ADAMTS3: variants seen among roughly 807,000 people sequenced by gnomAD.
ADAMTS3 encodes the protein ADAM metallopeptidase with thrombospondin type 1 motif 3.
In ADAMTS3, 73 loss-of-function variants were observed where a neutral mutation model predicts 129.0. That is an observed-to-expected ratio of 0.57 (90% CI 0.47 to 0.69). The LOEUF is 0.69. ADAMTS3 is among the 30% of genes least tolerant of loss of function. ADAMTS3 has a pLI of 0.00. For missense variants in ADAMTS3, 1,457 were observed against 1,514.5 expected (o/e 0.96, Z 0.63); for synonymous variants, 477 against 510.8 (o/e 0.93, Z 0.89).
At chr4:72,494,567 G>A (rs1719826653) in intron 3 of ADAMTS3, among the ~76,000 whole-genome samples, 1 of 152,100 alleles carries the variant, frequency 6.6e-6, no homozygotes, top group Admixed American at 6.6e-5. Flanking sequence ...CCAGTTCATA[G>A]ACTTCCATTT....
intron 4 of ADAMTS3, among the ~76,000 whole-genome samples, chr4:72,364,670 G>C (rs1171292812): frequency 6.6e-6 from 1 of 151,678 alleles, no homozygotes; most frequent in Non-Finnish European, 1.5e-5. Flanking sequence ...AAAAAACAGA[G>C]TTATGTGCAA....
chr4:72,419,449 T>C (rs774775338), intron 3 of ADAMTS3, among the ~76,000 whole-genome samples: 1 of 152,080 alleles, frequency 6.6e-6, no homozygotes, highest in African/African-American at 2.4e-5. Flanking sequence ...ATTGCTATAG[T>C]GGGGATAGAA....
rs1719602604 is a variant in ADAMTS3, at chr4:72,323,077, A to C, written c.882T>G (p.Asp294Glu). Residue 294 changes from aspartate (D) to glutamate (E), a missense_variant, in exon 6 of 22, where the codon GAT becomes GAG. Transcript: ENST00000286657. ...CATTTATATGCACTCCGAGGGACTCATCATGGTAAATTTCATTCACCTAGC... is the reference window on the plus strand; with the variant it reads ...CATTTATATGCACTCCGAGGGACTCCTCATGGTAAATTTCATTCACCTAGC... Reference protein sequence around the residue: ...LMNIVNEIYHDESLGVHINVV... With the variant: ...LMNIVNEIYHEESLGVHINVV... The C allele has an allele frequency of 6.2e-7, 1 of 1,613,304 alleles. No individual in the cohort carries two copies. The highest frequency in any genetic ancestry group is 8.5e-7 in the Non-Finnish European group (1 of 1,179,560).
intron 3 of ADAMTS3, among the ~76,000 whole-genome samples, chr4:72,459,835 T>C (rs1235571047): frequency 6.6e-6 from 1 of 151,516 alleles, no homozygotes; most frequent in East Asian, 1.9e-4. Flanking sequence ...ATCTTGGGAA[T>C]GGGACCCAAA....
chr4:72,543,710 G>T (rs551989889), intron 3 of ADAMTS3, among the ~76,000 whole-genome samples: 1 of 152,182 alleles, frequency 6.6e-6, no homozygotes, highest in South Asian at 2.1e-4. Context: ...GAGGCTATAG[G>T]GCGGTAGAAA....
At chr4:72,482,069 C>G (rs773824275) in intron 3 of ADAMTS3, among the ~76,000 whole-genome samples, 1 of 151,996 alleles carries the variant, frequency 6.6e-6, no homozygotes, top group Non-Finnish European at 1.5e-5. Context: ...TAAAATGTTA[C>G]AACCACTCTG....
intron 11 of ADAMTS3, among the ~76,000 whole-genome samples, chr4:72,315,647 C>T (rs929703812): frequency 1.3e-5 from 2 of 152,126 alleles, no homozygotes; most frequent in African/African-American, 2.4e-5. Flanking sequence ...GAATAAATAT[C>T]CATTGTTTCA....
At chr4:72,521,208 G>A (rs1260279993) in intron 3 of ADAMTS3, among the ~76,000 whole-genome samples, 2 of 152,062 alleles carry the variant, frequency 1.3e-5, no homozygotes, top group Non-Finnish European at 2.9e-5. Context: ...ATGTTGGCCA[G>A]GCTGGTCTCG....
At chr4:72,400,247 G>GGT (rs564681632) in intron 4 of ADAMTS3, among the ~76,000 whole-genome samples, 1 of 137,502 alleles carries the variant, frequency 7.3e-6, no homozygotes, top group Admixed American at 7.1e-5. Context: ...ATGCACACAT[G>GGT]GTGTGTATAT....
At chr4:72,285,251 CAT>C (rs1560458027) in intron 21 of ADAMTS3, among the ~76,000 whole-genome samples, 1 of 152,218 alleles carries the variant, frequency 6.6e-6, no homozygotes, top group Non-Finnish European at 1.5e-5. Context: ...ATATGCTTGA[CAT>C]GTGCAGGTCT....
chr4:72,296,703 CTATAA>C (rs1233819243), intron 18 of ADAMTS3, among the ~76,000 whole-genome samples: 2 of 151,964 alleles, frequency 1.3e-5, no homozygotes, highest in East Asian at 1.9e-4. Context: ...TCTTATATAA[CTATAA>C]TATAATTCTT....
chr4:72,300,960 A>G (rs1479772613), intron 17 of ADAMTS3, among the ~76,000 whole-genome samples: 4 of 152,114 alleles, frequency 2.6e-5, no homozygotes, highest in African/African-American at 9.7e-5. Flanking sequence ...CTCATCAGAT[A>G]CTCTATGCCA....
chr4:72,388,834 C>G (rs1007703282), intron 4 of ADAMTS3, among the ~76,000 whole-genome samples: 3 of 152,190 alleles, frequency 2.0e-5, no homozygotes, highest in African/African-American at 7.2e-5. Flanking sequence ...AAAAGTCACA[C>G]AGGGTGAAGT....
chr4:72,517,696 T>G (rs956939747), intron 3 of ADAMTS3, among the ~76,000 whole-genome samples: 4 of 152,094 alleles, frequency 2.6e-5, no homozygotes, highest in African/African-American at 7.2e-5. Context: ...CCTTTATCAT[T>G]TTTTATTGCG....
At chr4:72,487,585 G>C (rs1719623167) in intron 3 of ADAMTS3, among the ~76,000 whole-genome samples, 1 of 152,082 alleles carries the variant, frequency 6.6e-6, no homozygotes, top group African/African-American at 2.4e-5. Flanking sequence ...GATTTACCAT[G>C]AGCATGCAGT....
chr4:72,535,099 T>C (rs1721153711), intron 3 of ADAMTS3, among the ~76,000 whole-genome samples: 1 of 152,188 alleles, frequency 6.6e-6, no homozygotes, highest in South Asian at 2.1e-4. Context: ...TGGTCTGCTT[T>C]CTTGTCCAGG....
rs116342367 is a variant in ADAMTS3, at chr4:72,555,093, T to C, written c.98-6209A>G. Among the ~76,000 whole-genome samples, 463 of 151,938 alleles carry C rather than the reference T, an allele frequency of 3.0e-3. 22 individuals carry two copies. The highest frequency in any genetic ancestry group is 0.011 in the African/African-American group (442 of 41,208). On this transcript the variant is annotated intron_variant, in intron 2 of 21. Coordinates refer to ENST00000286657, the MANE Select transcript of ADAMTS3 (RefSeq NM_014243.3). ...CTCACCATCACTTTAGGATAAAAGA[T>C]ATAGATTCACAAAATCTGTATCTTT...
intron 4 of ADAMTS3, among the ~76,000 whole-genome samples, chr4:72,382,934 A>G (rs187990965): frequency 2.0e-4 from 31 of 152,312 alleles, no homozygotes; most frequent in African/African-American, 7.0e-4. Flanking sequence ...CATGTTCACT[A>G]TTGGAGTGAT....
At chr4:72,393,231 GAT>G (rs977835806) in intron 4 of ADAMTS3, among the ~76,000 whole-genome samples, 2 of 152,000 alleles carry the variant, frequency 1.3e-5, no homozygotes, top group African/African-American at 4.8e-5. Context: ...GCCTCCATCA[GAT>G]ATTTTGCAAC....
Sources: gnomAD v4.1 joint callset for allele counts (sites outside exome capture counted in the v4.1 genomes callset) on GRCh38, gnomAD v4.1.1 for gene constraint, MANE v1.5 for transcripts, NCBI Gene and HGNC (gene_info 2026-07-23, HGNC 2026-07-21) for gene names.